CTNNA2: variants seen among roughly 807,000 people sequenced by gnomAD.
CTNNA2 encodes catenin alpha-2.
CTNNA2 carries 42 observed loss-of-function variants against 101.0 expected under a neutral mutation model. That is an observed-to-expected ratio of 0.42 (90% CI 0.32 to 0.54). CTNNA2 has a LOEUF of 0.54. Among genes scored for constraint, CTNNA2 ranks in the 20% least tolerant of loss-of-function variants. The pLI is 0.14. For missense variants in CTNNA2, 871 were observed against 1,223.1 expected (o/e 0.71, Z 4.29); for synonymous variants, 450 against 456.4 (o/e 0.99, Z 0.18).
At chr2:80,128,765 G>A (rs910349518) in intron 7 of CTNNA2, among the ~76,000 whole-genome samples, 2 of 151,984 alleles carry the variant, frequency 1.3e-5, no homozygotes, top group Non-Finnish European at 2.9e-5. Context: ...ATATGACCCC[G>A]GAAACGATTC....
At chr2:79,731,694 T>C (rs1687204649) in intron 2 of CTNNA2, among the ~76,000 whole-genome samples, 1 of 152,062 alleles carries the variant, frequency 6.6e-6, no homozygotes, top group Non-Finnish European at 1.5e-5. Flanking sequence ...TCTGGCTGGT[T>C]GTCCGTGAGG....
intron 7 of CTNNA2, among the ~76,000 whole-genome samples, chr2:79,980,449 C>T (rs1574461377): frequency 6.6e-6 from 1 of 152,242 alleles, no homozygotes; most frequent in Non-Finnish European, 1.5e-5. Context: ...CTCCAAAGCC[C>T]TCTAATTGCA....
intron 4 of CTNNA2, among the ~76,000 whole-genome samples, chr2:79,410,431 T>G (rs1678396064): frequency 6.6e-6 from 1 of 151,574 alleles, no homozygotes; most frequent in South Asian, 2.1e-4. Flanking sequence ...TGATATTGGC[T>G]GTGGGTTTGT....
At chr2:79,967,681 A>G (rs1690172719) in intron 7 of CTNNA2, among the ~76,000 whole-genome samples, 1 of 152,338 alleles carries the variant, frequency 6.6e-6, no homozygotes, top group East Asian at 1.9e-4. Flanking sequence ...AAAGTTATAC[A>G]TAGAATTACT....
intron 9 of CTNNA2, among the ~76,000 whole-genome samples, chr2:80,428,663 C>A (rs1681207185): frequency 6.6e-6 from 1 of 152,298 alleles, no homozygotes; most frequent in Non-Finnish European, 1.5e-5. Context: ...AAAACCCCTA[C>A]ACAAATGTCC....
At chr2:79,648,822 T>G (rs779818214) in intron 1 of CTNNA2, among the ~76,000 whole-genome samples, 4 of 152,162 alleles carry the variant, frequency 2.6e-5, no homozygotes, top group Non-Finnish European at 4.4e-5. Context: ...CTGGTTTTAG[T>G]CTCAACTGTA....
Position 79,678,269 on chromosome 2 carries a change from C to T in CTNNA2, c.102+26611C>T, listed in dbSNP as rs187041875. 2.1e-3 allele frequency among the ~76,000 whole-genome samples: 320 copies of T among 152,208 alleles called. 2 individuals carry two copies. Among genetic ancestry groups the T allele is most frequent in the African/African-American group, 6.8e-3 (281 of 41,542 alleles). ...AAGGTCTCTATCCCCATGCTGGGCG[C>T]GGTAGCTCACTCCTGTAATCCTAGC... is the stretch of plus-strand genomic sequence containing the variant. On this transcript the variant is annotated intron_variant, in intron 2 of 18. Transcript: ENST00000402739.
intron 18 of CTNNA2, among the ~76,000 whole-genome samples, chr2:80,646,015 G>A (rs903263151): frequency 6.6e-6 from 1 of 152,080 alleles, no homozygotes; most frequent in African/African-American, 2.4e-5. Flanking sequence ...TTAAATAAGG[G>A]ATATGGAACA....
rs188159764 is a variant in CTNNA2 at position 79,726,132 on chromosome 2, G to A, written c.103-18255G>A. Among the ~76,000 whole-genome samples the A allele has an allele frequency of 2.3e-4, 35 of 152,218 alleles. No homozygotes were observed. In the South Asian group the frequency reaches 6.9e-3, roughly 30 times the overall value. ...AATTTTAACCTTTGACACTAGATTG[G>A]TGTAATCCTAGTTATTAGAAAACAC... On this transcript the variant is annotated intron_variant, in intron 2 of 18. Transcript: ENST00000402739.
At chr2:80,482,575 G>T (rs1686234195) in intron 9 of CTNNA2, among the ~76,000 whole-genome samples, 1 of 152,154 alleles carries the variant, frequency 6.6e-6, no homozygotes, top group South Asian at 2.1e-4. Context: ...CAGCAGGCTA[G>T]CTTTAATCCA....
At chr2:80,555,494 T>C (rs573549209) in intron 11 of CTNNA2, among the ~76,000 whole-genome samples, 199 bp from the exon 12 acceptor site, 3 of 152,356 alleles carry the variant, frequency 2.0e-5, no homozygotes, top group East Asian at 1.9e-4. Context: ...TATGTGATGC[T>C]ACCAGCCCTC....
intron 7 of CTNNA2, among the ~76,000 whole-genome samples, chr2:80,311,199 A>G (rs1482921329): frequency 6.6e-6 from 1 of 152,164 alleles, no homozygotes; most frequent in Non-Finnish European, 1.5e-5. Flanking sequence ...ATGGGCGCCC[A>G]TGCCTTTAAA....
intron 3 of CTNNA2, among the ~76,000 whole-genome samples, chr2:79,747,191 T>G (rs1356585630): frequency 6.6e-6 from 1 of 152,180 alleles, no homozygotes; most frequent in Non-Finnish European, 1.5e-5. Flanking sequence ...GTGCCACATT[T>G]TATCTATTGT....
rs1182806584 is a variant in CTNNA2 at position 79,992,614 on chromosome 2, C to T, written c.1056+82817C>T. 3.9e-5 allele frequency among the ~76,000 whole-genome samples: 6 copies of T among 152,170 alleles called. No homozygotes were observed. In the East Asian group the frequency reaches 5.8e-4, roughly 15 times the overall value. On this transcript the variant is annotated intron_variant, in intron 7 of 18. Coordinates refer to ENST00000402739, the MANE Select transcript of CTNNA2 (RefSeq NM_001282597.3). Reference sequence around the variant, plus strand: ...AGGATTGAGGCTGCTATGCTAAGAGCGTTTATATGGGAGTTGTATTTTCCT... The same window carrying T: ...AGGATTGAGGCTGCTATGCTAAGAGTGTTTATATGGGAGTTGTATTTTCCT...
chr2:80,322,578 CG>C (rs1228820715), intron 7 of CTNNA2, among the ~76,000 whole-genome samples: 2 of 151,542 alleles, frequency 1.3e-5, no homozygotes, highest in Non-Finnish European at 2.9e-5. Flanking sequence ...CGGCGGAGGC[CG>C]CGGGGCCCCA....
At chr2:80,259,964 A>G (rs1266082824) in intron 7 of CTNNA2, among the ~76,000 whole-genome samples, 49 of 152,238 alleles carry the variant, frequency 3.2e-4, no homozygotes, top group Admixed American at 3.2e-3. Context: ...AATAAGAATA[A>G]GAATAACTGC....
intron 4 of CTNNA2, among the ~76,000 whole-genome samples, chr2:79,478,797 C>T (rs1260354323): frequency 6.6e-6 from 1 of 152,150 alleles, no homozygotes; most frequent in Non-Finnish European, 1.5e-5. Flanking sequence ...CCTTACGATG[C>T]TTGCCTGAGC....
chr2:79,428,742 T>C (rs994337033), intron 4 of CTNNA2, among the ~76,000 whole-genome samples: 3 of 152,042 alleles, frequency 2.0e-5, no homozygotes, highest in African/African-American at 7.2e-5. Context: ...ATCCAATAAA[T>C]CTGTTTTTAA....
At chr2:80,129,182 G>A (rs1239609813) in intron 7 of CTNNA2, among the ~76,000 whole-genome samples, 2 of 152,138 alleles carry the variant, frequency 1.3e-5, no homozygotes, top group South Asian at 2.1e-4. Context: ...ATCTGTGGAT[G>A]GACAGAAAGA....
Sources: gnomAD v4.1 joint callset for allele counts (sites outside exome capture counted in the v4.1 genomes callset) on GRCh38, gnomAD v4.1.1 for gene constraint, MANE v1.5 for transcripts, NCBI Gene and HGNC (gene_info 2026-07-23, HGNC 2026-07-21) for gene names.